The following SNX4 variants were observed in gnomAD, a reference collection of about 807,000 sequenced individuals.
SNX4 encodes sorting nexin-4.
A neutral mutation model predicts 70.8 loss-of-function variants in SNX4; 49 were observed. The ratio of observed to expected loss-of-function variants is 0.69; its 90% confidence interval spans 0.55 to 0.88. The LOEUF (loss-of-function observed/expected upper bound fraction) is 0.88, where lower values mean the gene tolerates loss of function less well. Among genes scored for constraint, SNX4 ranks in the 40% least tolerant of loss-of-function variants. SNX4 has a pLI of 0.00. For synonymous variants in SNX4, 206 were observed against 183.8 expected, an observed-to-expected ratio of 1.12 and a Z score of -0.98; for missense variants, 528 against 544.8, an observed-to-expected ratio of 0.97 and a Z score of 0.31.
Position 125,469,480 on chromosome 3 carries a change from C to A in SNX4, c.828G>T (p.Leu276=), listed in dbSNP as rs540778993. The change falls in exon 9 of 14, where the codon CTG becomes CTT. Residue 276 remains leucine (L), a synonymous_variant. Transcript: ENST00000251775. The stretch of plus-strand genomic sequence containing the variant: ...CATCCATATGATGACCAGCACTCTG[C>A]AGTCCATCACCCATTTCTTTTTCTA... ...SAIEKEMGDG[L]QSAGHHMDVY... 1 of 1,613,738 alleles carries A rather than the reference C, an allele frequency of 6.2e-7. No individual in the cohort carries two copies. The highest frequency in any genetic ancestry group is 8.5e-7 in the Non-Finnish European group (1 of 1,179,692).
intron 9 of SNX4, among the ~76,000 whole-genome samples, chr3:125,465,170 T>C (rs1051450476): frequency 1.4e-4 from 21 of 152,148 alleles, no homozygotes; most frequent in African/African-American, 4.6e-4. Flanking sequence ...CATGAGCCAC[T>C]GTACCTGGTC....
At chr3:125,473,664 A>G (rs1389877075) in intron 8 of SNX4, among the ~76,000 whole-genome samples, 3 of 152,094 alleles carry the variant, frequency 2.0e-5, no homozygotes, top group African/African-American at 7.2e-5. Flanking sequence ...ATCTGCCCGC[A>G]TCGGCCTCTC....
Position 125,495,275 on chromosome 3 carries a change from T to TATATATATAC in SNX4, c.597+2065_597+2066insGTATATATAT. On this transcript the variant is annotated intron_variant, in intron 5 of 13. Coordinates refer to ENST00000251775, the MANE Select transcript of SNX4 (RefSeq NM_003794.4). ...TTATATATATATATATATATATATA[T>TATATATATAC]ATACACATACACACACACACACGTA... 2.9e-4 allele frequency among the ~76,000 whole-genome samples: 24 copies of TATATATATAC among 83,060 alleles called. 2 individuals are homozygous for TATATATATAC. Among genetic ancestry groups the TATATATATAC allele is most frequent in the South Asian group, 8.8e-4 (2 of 2,276 alleles). 54.5% of individuals were successfully genotyped at this position (83,060 alleles called of 152,430 possible).
At chr3:125,493,934 G>A (rs1237837420) in intron 5 of SNX4, among the ~76,000 whole-genome samples, 2 of 151,844 alleles carry the variant, frequency 1.3e-5, no homozygotes, top group Non-Finnish European at 2.9e-5. Flanking sequence ...CTACTCAGGA[G>A]GCTGAGGCAG....
intron 8 of SNX4, among the ~76,000 whole-genome samples, chr3:125,475,612 G>A (rs539264939): frequency 4.6e-5 from 7 of 152,290 alleles, no homozygotes; most frequent in South Asian, 4.1e-4. Context: ...TGATCCACCC[G>A]CCTTGGCCTC....
At chr3:125,486,695 G>C (rs184754032) in intron 6 of SNX4, among the ~76,000 whole-genome samples, 1 of 152,126 alleles carries the variant, frequency 6.6e-6, no homozygotes, top group African/African-American at 2.4e-5. Context: ...AGTGGGTTTA[G>C]TTTATTTGCA....
At chr3:125,501,025 A>C (rs1283283007) in intron 2 of SNX4, among the ~76,000 whole-genome samples, 1 of 152,044 alleles carries the variant, frequency 6.6e-6, no homozygotes, top group African/African-American at 2.4e-5. Flanking sequence ...ATTTCTAGTT[A>C]ACATGAAGGG....
At chr3:125,450,790 G>A (rs529294997) in intron 13 of SNX4, among the ~76,000 whole-genome samples, 7 of 152,288 alleles carry the variant, frequency 4.6e-5, no homozygotes, top group Admixed American at 6.5e-5. Context: ...AGGTCTTCAC[G>A]AAATAATGTT....
Position 125,460,779 on chromosome 3 carries a change from T to C in SNX4, c.936A>G (p.Glu312=). The part of the protein sequence containing the change: ...DQLKEYLFYA[E]ALRAVCRKHE... The stretch of plus-strand genomic sequence containing the variant: ...ACTTTTATTAAACTTACCGCAATGC[T>C]TCTGCATAAAAAAGATACTCTTTTA... Residue 312 remains glutamate, a synonymous_variant, in exon 10 of 14, where the codon GAA becomes GAG. Coordinates refer to ENST00000251775, the MANE Select transcript of SNX4 (RefSeq NM_003794.4). The C allele has an allele frequency of 6.5e-7, 1 of 1,534,570 alleles. No homozygotes were observed. Among genetic ancestry groups the C allele is most frequent in the Non-Finnish European group, 8.8e-7 (1 of 1,133,996 alleles).
chr3:125,467,928 G>A (rs927312333), intron 9 of SNX4, among the ~76,000 whole-genome samples: 1 of 152,142 alleles, frequency 6.6e-6, no homozygotes, highest in Admixed American at 6.6e-5. Flanking sequence ...CTACCATAAG[G>A]ATACATGCAC....
intron 8 of SNX4, among the ~76,000 whole-genome samples, chr3:125,476,265 C>CAAAAA (rs749425097): frequency 2.1e-5 from 1 of 46,804 alleles, no homozygotes; most frequent in East Asian, 7.1e-4. Context: ...GACTCCATCT[C>CAAAAA]AAAAAAAAAA....
intron 1 of SNX4, among the ~76,000 whole-genome samples, chr3:125,518,095 A>G (rs1935319844): frequency 6.6e-6 from 1 of 152,226 alleles, no homozygotes; most frequent in South Asian, 2.1e-4. Flanking sequence ...TCAATTAATA[A>G]AAGACATATA....
chr3:125,519,789 CG>C (rs1258431360), intron 1 of SNX4, among the ~76,000 whole-genome samples: 1 of 152,078 alleles, frequency 6.6e-6, no homozygotes, highest in Non-Finnish European at 1.5e-5. Context: ...TTCGCAGTCT[CG>C]ACACTTCCCT....
chr3:125,514,870 C>A (rs2107575033), intron 1 of SNX4, among the ~76,000 whole-genome samples: 1 of 152,130 alleles, frequency 6.6e-6, no homozygotes, highest in East Asian at 1.9e-4. Context: ...TTTTTGTAGA[C>A]TGGGTCTCCC....
chr3:125,485,278 T>C (rs998746836), intron 6 of SNX4, among the ~76,000 whole-genome samples: 12 of 151,922 alleles, frequency 7.9e-5, no homozygotes, highest in African/African-American at 2.9e-4. Flanking sequence ...CAGCTTGGGG[T>C]ATAACTTATC....
At chr3:125,465,791 C>T (rs969820479) in intron 9 of SNX4, among the ~76,000 whole-genome samples, 3 of 152,034 alleles carry the variant, frequency 2.0e-5, no homozygotes, top group African/African-American at 4.8e-5. Flanking sequence ...TATAGGCATG[C>T]GCCACCACAC....
At chr3:125,455,372 C>T (rs1933684943) in intron 11 of SNX4, among the ~76,000 whole-genome samples, 3 of 152,120 alleles carry the variant, frequency 2.0e-5, no homozygotes, top group East Asian at 1.9e-4. Flanking sequence ...GGAAATAAAC[C>T]AAACTAAAGA....
intron 1 of SNX4, among the ~76,000 whole-genome samples, chr3:125,518,104 T>C (rs992087678): frequency 1.1e-4 from 17 of 152,198 alleles, no homozygotes; most frequent in African/African-American, 3.6e-4. Context: ...AAAAGACATA[T>C]ATAATGCCTT....
rs552905659 is a variant in SNX4, at chr3:125,517,800, AC to A, written c.141+2231del. Among the ~76,000 whole-genome samples, 1,028 of 151,940 alleles carry A rather than the reference AC, an allele frequency of 6.8e-3. 10 individuals carry two copies. Among genetic ancestry groups the A allele is most frequent in the Non-Finnish European group, 0.011 (715 of 67,938 alleles). The stretch of plus-strand genomic sequence containing the variant: ...AGACCAGCCTGGCGAACATGATGAA[AC>A]CCCAACTCTACTAAAAACACAAAAA... On this transcript the variant is annotated intron_variant, in intron 1 of 13. Coordinates refer to ENST00000251775, the MANE Select transcript of SNX4 (RefSeq NM_003794.4).
Sources: gnomAD v4.1 joint callset for allele counts (sites outside exome capture counted in the v4.1 genomes callset) on GRCh38, gnomAD v4.1.1 for gene constraint, MANE v1.5 for transcripts, NCBI Gene and HGNC (gene_info 2026-07-23, HGNC 2026-07-21) for gene names.